TMEM178B: variants seen among roughly 807,000 people sequenced by gnomAD.
The protein encoded by TMEM178B is transmembrane protein 178B.
A neutral mutation model predicts 31.0 loss-of-function variants in TMEM178B; 5 were observed. The ratio of observed to expected loss-of-function variants is 0.16; its 90% CI spans 0.08 to 0.34. The LOEUF (loss-of-function observed/expected upper bound fraction) is 0.34, where lower values mean the gene tolerates loss of function less well. TMEM178B is among the 10% of genes least tolerant of loss of function. The probability of loss-of-function intolerance (pLI) is 1.00; values close to 1 mark genes in which losing one functional copy is unlikely to be tolerated. For missense variants in TMEM178B, 275 were observed against 400.3 expected, an observed-to-expected ratio of 0.69 and a Z score of 2.67; for synonymous variants, 164 against 164.0, an observed-to-expected ratio of 1.00 and a Z score of 0.00.
At chr7:141,149,811 A>G (rs1795935095) in intron 1 of TMEM178B, among the ~76,000 whole-genome samples, 1 of 152,218 alleles carries the variant, frequency 6.6e-6, no homozygotes, top group South Asian at 2.1e-4. Context: ...TGGAGAGAAC[A>G]TGGCTCTGCC....
chr7:141,451,326 A>G (rs1279382728), intron 3 of TMEM178B, among the ~76,000 whole-genome samples: 3 of 152,220 alleles, frequency 2.0e-5, no homozygotes, highest in Admixed American at 2.0e-4. Flanking sequence ...GCTCAGAACC[A>G]TGCTTGGTCT....
chr7:141,183,550 G>A (rs923781705), intron 1 of TMEM178B, among the ~76,000 whole-genome samples: 1 of 152,118 alleles, frequency 6.6e-6, no homozygotes, highest in African/African-American at 2.4e-5. Flanking sequence ...CCTAAACACT[G>A]ATGTGTTAGT....
chr7:141,245,480 A>G (rs1284798345), intron 2 of TMEM178B, among the ~76,000 whole-genome samples: 1 of 152,196 alleles, frequency 6.6e-6, no homozygotes, highest in Non-Finnish European at 1.5e-5. Flanking sequence ...ACTTCTTTTG[A>G]GAACATTTTG....
intron 2 of TMEM178B, among the ~76,000 whole-genome samples, chr7:141,437,132 A>G (rs1036791176): frequency 6.6e-6 from 1 of 152,208 alleles, no homozygotes; most frequent in African/African-American, 2.4e-5. Context: ...ACCCAGATCC[A>G]GCAGCCCATT....
At chr7:141,491,435 C>G in the TMEM178B span, among the ~76,000 whole-genome samples, 1 of 152,152 alleles carries the variant, frequency 6.6e-6, no homozygotes, top group Admixed American at 6.5e-5. Flanking sequence ...TATTTGCTCT[C>G]TCTAGATTCT....
rs116903883 is a variant in TMEM178B, at chr7:141,324,895, C to T, written c.496+112191C>T. On this transcript the variant is annotated intron_variant, in intron 2 of 3. Transcript: ENST00000565468. ...TTCCGAAACCATGATTAGCTCCTAG[C>T]CACACTCTCCAATTGAAATCATAAT... Among the ~76,000 whole-genome samples, 6 of 152,226 alleles carry T rather than the reference C, an allele frequency of 3.9e-5. No homozygotes were observed. In the East Asian group the frequency reaches 1.2e-3, roughly 29 times the overall value.
intron 2 of TMEM178B, among the ~76,000 whole-genome samples, chr7:141,350,446 C>G (rs114345588): frequency 6.6e-6 from 1 of 151,846 alleles, no homozygotes; most frequent in African/African-American, 2.4e-5. Context: ...CATTATTGTC[C>G]GAAACGATAC....
At chr7:141,150,362 C>T (rs1795950302) in intron 1 of TMEM178B, among the ~76,000 whole-genome samples, 1 of 152,176 alleles carries the variant, frequency 6.6e-6, no homozygotes, top group South Asian at 2.1e-4. Flanking sequence ...GCTACATGGG[C>T]TCAGTTATAT....
At chr7:141,294,633 ACCCAG>A (rs1798600783) in intron 2 of TMEM178B, among the ~76,000 whole-genome samples, 1 of 152,148 alleles carries the variant, frequency 6.6e-6, no homozygotes, top group Non-Finnish European at 1.5e-5. Context: ...TCCTTTAGAG[ACCCAG>A]TCCTCTAAGA....
chr7:141,261,891 G>C (rs1482509008), intron 2 of TMEM178B, among the ~76,000 whole-genome samples: 1 of 152,124 alleles, frequency 6.6e-6, no homozygotes, highest in African/African-American at 2.4e-5. Context: ...CTGGCTCTTA[G>C]ACCTGGAAGG....
At chr7:141,250,934 A>G (rs1467656549) in intron 2 of TMEM178B, among the ~76,000 whole-genome samples, 3 of 152,130 alleles carry the variant, frequency 2.0e-5, no homozygotes, top group African/African-American at 7.2e-5. Context: ...TCGCAACAGA[A>G]GGGCATTTCT....
chr7:141,339,473 A>C (rs1799480292), intron 2 of TMEM178B, among the ~76,000 whole-genome samples: 1 of 152,162 alleles, frequency 6.6e-6, no homozygotes, highest in Non-Finnish European at 1.5e-5. Flanking sequence ...AAGTCAGGCC[A>C]AGCAGGGGGT....
chr7:141,366,247 C>T (rs1800002341), intron 2 of TMEM178B, among the ~76,000 whole-genome samples: 1 of 152,172 alleles, frequency 6.6e-6, no homozygotes, highest in Non-Finnish European at 1.5e-5. Context: ...GATCCTTTGA[C>T]ACACTTCTCA....
At chr7:141,341,065 A>G (rs749580468) in intron 2 of TMEM178B, among the ~76,000 whole-genome samples, 12 of 152,196 alleles carry the variant, frequency 7.9e-5, no homozygotes, top group Non-Finnish European at 1.6e-4. Flanking sequence ...CCTTCACAAC[A>G]AATCCACACA....
intron 2 of TMEM178B, among the ~76,000 whole-genome samples, chr7:141,268,238 A>C (rs1247355746): frequency 6.6e-6 from 1 of 152,254 alleles, no homozygotes; most frequent in Non-Finnish European, 1.5e-5. Context: ...TCAGAGCAAC[A>C]TGTATTCTGT....
At chr7:141,287,415 C>T (rs1798464261) in intron 2 of TMEM178B, among the ~76,000 whole-genome samples, 1 of 152,034 alleles carries the variant, frequency 6.6e-6, no homozygotes, top group Non-Finnish European at 1.5e-5. Flanking sequence ...TTTGGTGTCC[C>T]TTTAATCAAC....
intron 1 of TMEM178B, among the ~76,000 whole-genome samples, chr7:141,116,067 G>C (rs1462680249): frequency 6.6e-6 from 1 of 152,162 alleles, no homozygotes; most frequent in Non-Finnish European, 1.5e-5. Context: ...GGCAGCTTCA[G>C]CTCCGAGTTC....
At chr7:141,151,977 G>T (rs1378191085) in intron 1 of TMEM178B, among the ~76,000 whole-genome samples, 1 of 152,180 alleles carries the variant, frequency 6.6e-6, no homozygotes, top group East Asian at 1.9e-4. Context: ...GTGCTACAGT[G>T]GGGGCAGTAA....
At chr7:141,187,643 G>A (rs550059937) in intron 1 of TMEM178B, among the ~76,000 whole-genome samples, 76 of 152,322 alleles carry the variant, frequency 5.0e-4, no homozygotes, top group African/African-American at 1.8e-3. Flanking sequence ...TCTAACTGGT[G>A]TGAGATGGTA....
Sources: gnomAD v4.1 joint callset for allele counts (sites outside exome capture counted in the v4.1 genomes callset) on GRCh38, gnomAD v4.1.1 for gene constraint, MANE v1.5 for transcripts, NCBI Gene and HGNC (gene_info 2026-07-23, HGNC 2026-07-21) for gene names.